Variants in CHMP2A observed in about 807,000 individuals in gnomAD.
CHMP2A encodes the protein VPS2 homolog A.
CHMP2A carries 6 observed loss-of-function variants against 21.8 expected under a neutral mutation model. That is an observed-to-expected ratio of 0.28 (90% CI 0.15 to 0.54). The LOEUF (loss-of-function observed/expected upper bound fraction) is 0.54. Among genes scored for constraint, CHMP2A ranks in the 20% least tolerant of loss-of-function variants. The pLI, the probability that CHMP2A is intolerant of heterozygous loss-of-function variation, is 0.95. For synonymous variants in CHMP2A, 125 were observed against 107.0 expected, an observed-to-expected ratio of 1.17 and a Z score of -1.04; for missense variants, 303 against 293.9, an observed-to-expected ratio of 1.03 and a Z score of -0.23.
rs1221317285 is a variant in CHMP2A, at chr19:58,554,227, AC to A, written c.-16del. 1 of 1,606,184 alleles carries A rather than the reference AC, an allele frequency of 6.2e-7. No individual in the cohort carries two copies. Among genetic ancestry groups the A allele is most frequent in the East Asian group, 2.2e-5 (1 of 44,734 alleles). ...AATAGGTCCATGATGGTAGAAGCTC[AC>A]TGGCAGGCCTGAGACAGATGTGAGT... On this transcript the variant is annotated 5_prime_UTR_variant, in exon 2 of 6. The change creates a new upstream start codon in the 5' untranslated region. Transcript: ENST00000312547.
At chr19:58,553,490 C>T (rs1240980241) in intron 2 of CHMP2A, among the ~76,000 whole-genome samples, 4 of 151,322 alleles carry the variant, frequency 2.6e-5, no homozygotes, top group African/African-American at 9.7e-5. Context: ...CCTGCCTCAG[C>T]CCTGCTGAGT....
At chr19:58,553,915 G>A (rs759688570) in intron 2 of CHMP2A, 130 bp downstream of exon 2, 10 of 1,211,530 alleles carry the variant, frequency 8.3e-6, no homozygotes, top group Non-Finnish European at 1.2e-5. Context: ...CTCAAACTAG[G>A]GAAGCCCTGC....
Position 58,554,184 on chromosome 19 carries a change from G to A in CHMP2A, c.29C>T (p.Thr10Met). The change falls in exon 2 of 6, where the codon ACG (threonine) becomes ATG (methionine). Residue 10 changes from threonine (T) to methionine (M), a missense_variant. Thr to Met is a moderately conservative substitution (Grantham distance 81, BLOSUM62 -1). Coordinates refer to ENST00000312547, the MANE Select transcript of CHMP2A (RefSeq NM_014453.4). ...GTTCTGCCGCAGTAGCTCCTCTGGC[G>A]TCTTCCGGCGCCCGAACAATAGGTC... MDLLFGRRK[T>M]PEELLRQNQR... is the part of the protein sequence containing the mutation. The A allele has an allele frequency of 6.2e-7, 1 of 1,613,650 alleles. No homozygotes were observed. The highest frequency in any genetic ancestry group is 8.5e-7 in the Non-Finnish European group (1 of 1,179,896).
rs2053864854 is a variant in CHMP2A at position 58,554,142 on chromosome 19, C to T, written c.71G>A (p.Arg24His). ...LLRQNQRALN[R>H]AMRELDRERQ... Reference sequence around the variant, plus strand: ...CTCGCGGTCCAGCTCCCGCATGGCACGGTTCAGGGCCCTCTGGTTCTGCCG... The same window carrying T: ...CTCGCGGTCCAGCTCCCGCATGGCATGGTTCAGGGCCCTCTGGTTCTGCCG... Residue 24 changes from arginine (R) to histidine (H), a missense_variant, in exon 2 of 6, where the codon CGT becomes CAT. Transcript: ENST00000312547. 6.2e-7 allele frequency: 1 copy of T among 1,614,142 alleles called. No individual in the cohort carries two copies.
In CHMP2A at chr19:58,554,297, G is replaced by A. The variant is rs141506797; in HGVS notation, c.-24-61C>T. ...ATGGGGCCCAGGAGGGCAAGAAGCAGAACAGGGTCACGGGAGCCTTGCCAA... is the reference window on the plus strand; with the variant it reads ...ATGGGGCCCAGGAGGGCAAGAAGCAAAACAGGGTCACGGGAGCCTTGCCAA... On this transcript the variant is annotated intron_variant, in intron 1 of 5. Transcript: ENST00000312547. 139 of 1,482,960 alleles carry A rather than the reference G, an allele frequency of 9.4e-5. No homozygotes were observed. The African/African-American group carries it at 1.7e-3, about 18-fold the overall frequency. 91.9% of individuals were successfully genotyped at this position (1,482,960 alleles called of 1,614,324 possible).
rs541443283 is a variant in CHMP2A, at chr19:58,551,755, G to A, written c.563C>T (p.Ser188Leu). The change falls in exon 6 of 6, where the codon TCG (serine) becomes TTG (leucine). Residue 188 changes from serine to leucine, a missense_variant. Coordinates refer to ENST00000312547, the MANE Select transcript of CHMP2A (RefSeq NM_014453.4). ...ELSNLPSTGG[S>L]LSVAAGGKKA... Reference sequence around the variant, plus strand: ...TTTCCCACCAGCAGCCACACTAAGCGAGCCCCCAGTTGAGGGGAGGTCTGC... The same window carrying A: ...TTTCCCACCAGCAGCCACACTAAGCAAGCCCCCAGTTGAGGGGAGGTCTGC... 126 of 1,614,070 alleles carry A rather than the reference G, an allele frequency of 7.8e-5. No individual in the cohort carries two copies. The highest frequency in any genetic ancestry group is 4.6e-4 in the South Asian group (42 of 91,072).
intron 4 of CHMP2A, 31 bp downstream of exon 4, chr19:58,552,024 A>G (rs1307549755): frequency 1.2e-6 from 2 of 1,614,092 alleles, no homozygotes; most frequent in Non-Finnish European, 1.7e-6. Context: ...CCAGGCAAAC[A>G]TCTCCACCCT....
Position 58,551,588 on chromosome 19 carries a change from CAG to C in CHMP2A, c.*59_*60del. ...GACTAGTGTCAAATCTCTTTTATTA[CAG>C]AGGGGTTGTGGTAAAAGATCCTGGG... On this transcript the variant is annotated 3_prime_UTR_variant, in exon 6 of 6. Transcript: ENST00000312547. 6.4e-7 allele frequency: 1 copy of C among 1,569,880 alleles called. No homozygotes were observed. The highest frequency in any genetic ancestry group is 2.0e-4 in the Middle Eastern group (1 of 5,114).
chr19:58,553,557 G>C (rs1002136063), intron 2 of CHMP2A, among the ~76,000 whole-genome samples: 1 of 147,778 alleles, frequency 6.8e-6, no homozygotes, highest in Non-Finnish European at 1.5e-5. Flanking sequence ...ATTTTCAGTA[G>C]AGACGGGGTT....
At position 58,551,780 on chromosome 19, in the gene CHMP2A, C is replaced by T. The variant is rs752120380; in HGVS notation, c.542-4G>A. The stretch of plus-strand genomic sequence containing the variant: ...GAGCCCCCAGTTGAGGGGAGGTCTG[C>T]AGAGAAAGTGGGGGTTTGAGCAGGT... On this transcript the variant is annotated splice_region_variant and splice_polypyrimidine_tract_variant and intron_variant, in intron 5 of 5. Coordinates refer to ENST00000312547, the MANE Select transcript of CHMP2A (RefSeq NM_014453.4). 25 of 1,614,034 alleles carry T rather than the reference C, an allele frequency of 1.5e-5. No homozygotes were observed. The highest frequency in any genetic ancestry group is 2.2e-5 in the East Asian group (1 of 44,876).
In CHMP2A at chr19:58,552,102, A is replaced by T. The variant is rs2053835569; in HGVS notation, c.432T>A (p.Asn144Lys). Residue 144 changes from asparagine to lysine, a missense_variant, in exon 4 of 6, where the codon AAT becomes AAA. Physicochemically the swap from Asn to Lys is moderately conservative, Grantham distance 94 (BLOSUM62 0). Coordinates refer to ENST00000312547, the MANE Select transcript of CHMP2A (RefSeq NM_014453.4). ...EIMDMKEEMM[N>K]DAIDDAMGDE... is the part of the protein sequence containing the mutation. ...CACCCATGGCATCATCAATGGCATC[A>T]TTCATCATCTCCTCCTTCATATCCA... The T allele has an allele frequency of 1.9e-6, 3 of 1,614,048 alleles. No homozygotes were observed. Among genetic ancestry groups the T allele is most frequent in the African/African-American group, 2.7e-5 (2 of 74,904 alleles).
At position 58,553,894 on chromosome 19, in the gene CHMP2A, C is replaced by T. The variant is rs1600088894; in HGVS notation, c.168+151G>A. On this transcript the variant is annotated intron_variant, in intron 2 of 5. Coordinates refer to ENST00000312547, the MANE Select transcript of CHMP2A (RefSeq NM_014453.4). ...TCTCATACCAGTTCCTTGGAGGCAGCCTTCCAGACCCTCAAACTAGGGAAG... is the reference window on the plus strand; with the variant it reads ...TCTCATACCAGTTCCTTGGAGGCAGTCTTCCAGACCCTCAAACTAGGGAAG... 5 of 955,962 alleles carry T rather than the reference C, an allele frequency of 5.2e-6. No individual in the cohort carries two copies. The East Asian group carries it at 1.2e-4, about 23-fold the overall frequency. The allele number at this position is 955,962 out of a possible 1,614,324, so 59.2% of individuals were successfully genotyped here. A position where few individuals can be genotyped will look rare whatever the true frequency, so the allele number is the denominator to read the frequency against.
At chr19:58,552,953 C>T (rs1042291299) in intron 2 of CHMP2A, among the ~76,000 whole-genome samples, 1 of 152,212 alleles carries the variant, frequency 6.6e-6, no homozygotes, top group African/African-American at 2.4e-5. Flanking sequence ...CCTGTTCAGG[C>T]CAAAACCCTC....
chr19:58,553,461 C>G (rs1285183779), intron 2 of CHMP2A, among the ~76,000 whole-genome samples: 1 of 150,964 alleles, frequency 6.6e-6, no homozygotes, highest in African/African-American at 2.4e-5. Flanking sequence ...ACCTCCGCCT[C>G]CTGGGTTCAA....
chr19:58,551,861 C>T, intron 5 of CHMP2A, 45 bp downstream of exon 5: 1 of 1,614,024 alleles, frequency 6.2e-7, no homozygotes, highest in Non-Finnish European at 8.5e-7. Context: ...GGAGCTGTGG[C>T]TGGGCCTTGG....
Position 58,554,250 on chromosome 19 carries a change from G to A in CHMP2A, c.-24-14C>T. The A allele has an allele frequency of 2.5e-6, 4 of 1,590,614 alleles. No homozygotes were observed. The highest frequency in any genetic ancestry group is 3.4e-6 in the Non-Finnish European group (4 of 1,167,650). On this transcript the variant is annotated splice_polypyrimidine_tract_variant and intron_variant, in intron 1 of 5. Coordinates refer to ENST00000312547, the MANE Select transcript of CHMP2A (RefSeq NM_014453.4). ...TCACTGGCAGGCCTGAGACAGATGT[G>A]AGTGAGGCCCAGTTGTAGGGCATGG...
chr19:58,552,407 A>G lies in CHMP2A; in HGVS notation c.200T>C (p.Val67Ala), dbSNP rs1216396709. Residue 67 changes from valine (V) to alanine (A), a missense_variant, in exon 3 of 6, where the codon GTG (valine) becomes GCG (alanine). Val to Ala is a moderately conservative substitution (Grantham distance 64). Coordinates refer to ENST00000312547, the MANE Select transcript of CHMP2A (RefSeq NM_014453.4). The stretch of plus-strand genomic sequence containing the variant: ...CTTGCGCACATAGCGCCGGGTGCGC[A>G]CCAAGTCTTTTGCCATGATGCGAAC... ...DAVRIMAKDLVRTRRYVRKFV... is the reference protein window; with the variant it reads ...DAVRIMAKDLARTRRYVRKFV... 1.9e-6 allele frequency: 3 copies of G among 1,614,156 alleles called. No homozygotes were observed. Among genetic ancestry groups the G allele is most frequent in the Non-Finnish European group, 2.5e-6 (3 of 1,180,030 alleles).
rs775382778 is a variant in CHMP2A at position 58,551,727 on chromosome 19, T to C, written c.591A>G (p.Lys197=). The C allele has an allele frequency of 4.8e-5, 78 of 1,613,948 alleles. No individual in the cohort carries two copies. Among genetic ancestry groups the C allele is most frequent in the Non-Finnish European group, 6.5e-5 (77 of 1,180,018 alleles). The change falls in exon 6 of 6, where the codon AAA becomes AAG. Residue 197 remains lysine (K), a synonymous_variant. Transcript: ENST00000312547. The part of the protein sequence containing the change: ...GSLSVAAGGK[K]AEAAASALAD... ...CTAGGGCTGAGGCTGCGGCCTCTGCTTTTTTCCCACCAGCAGCCACACTAA... is the reference window on the plus strand; with the variant it reads ...CTAGGGCTGAGGCTGCGGCCTCTGCCTTTTTCCCACCAGCAGCCACACTAA...
chr19:58,551,731 T>C lies in CHMP2A; in HGVS notation c.587A>G (p.Lys196Arg). ...GGSLSVAAGG[K>R]KAEAAASALA... ...GGCTGAGGCTGCGGCCTCTGCTTTT[T>C]TCCCACCAGCAGCCACACTAAGCGA... Residue 196 changes from lysine to arginine, a missense_variant, in exon 6 of 6, where the codon AAA (lysine) becomes AGA (arginine). Physicochemically the swap from Lys to Arg is conservative, Grantham distance 26. Coordinates refer to ENST00000312547, the MANE Select transcript of CHMP2A (RefSeq NM_014453.4). The C allele has an allele frequency of 1.2e-6, 2 of 1,614,160 alleles. No individual in the cohort carries two copies. The highest frequency in any genetic ancestry group is 1.7e-6 in the Non-Finnish European group (2 of 1,180,024).
Sources: allele counts gnomAD v4.1 joint callset (sites outside exome capture counted in the v4.1 genomes callset), GRCh38; gene constraint gnomAD v4.1.1; transcripts MANE v1.5; gene names NCBI Gene and HGNC (gene_info 2026-07-23, HGNC 2026-07-21).